The following NOL4 variants were observed in gnomAD, a reference collection of about 807,000 sequenced individuals.
NOL4 encodes cancer/testis antigen 125.
NOL4 carries 17 observed loss-of-function variants against 75.9 expected under a neutral mutation model. The ratio of observed to expected loss-of-function variants is 0.22; its 90% confidence interval spans 0.15 to 0.34. The LOEUF (loss-of-function observed/expected upper bound fraction) is 0.34. Among genes scored for constraint, NOL4 ranks in the 10% least tolerant of loss-of-function variants. The pLI is 1.00. For missense variants in NOL4, 614 were observed against 793.5 expected (o/e 0.77, Z 2.72); for synonymous variants, 292 against 289.9 (o/e 1.01, Z -0.07).
chr18:34,124,348 T>C (rs1283886038), intron 2 of NOL4, among the ~76,000 whole-genome samples: 3 of 152,218 alleles, frequency 2.0e-5, no homozygotes, highest in Non-Finnish European at 4.4e-5. Flanking sequence ...TTATATTCTA[T>C]GAGTGAATTG....
intron 5 of NOL4, among the ~76,000 whole-genome samples, chr18:34,079,849 G>T (rs1462721299): frequency 6.6e-6 from 1 of 152,058 alleles, no homozygotes. Context: ...TCAAAGTCAT[G>T]GTTTTAAAGA....
Position 33,878,207 on chromosome 18 carries a change from T to C in NOL4, c.1723+5037A>G, listed in dbSNP as rs549956916. On this transcript the variant is annotated intron_variant, in intron 10 of 10. Coordinates refer to ENST00000261592, the MANE Select transcript of NOL4 (RefSeq NM_003787.5). ...TAACAATGCATAACAAAACTTTCTT[T>C]TGGATTTGTTATCAATTTTTACCCA... 2.6e-5 allele frequency among the ~76,000 whole-genome samples: 4 copies of C among 152,256 alleles called. No homozygotes were observed. The East Asian group carries it at 7.7e-4, about 29-fold the overall frequency.
chr18:34,090,677 G>GTCCTTAAACATTA (rs1328069254), intron 5 of NOL4, among the ~76,000 whole-genome samples: 2 of 152,160 alleles, frequency 1.3e-5, no homozygotes, highest in South Asian at 2.1e-4. Flanking sequence ...GGGAGGCATT[G>GTCCTTAAACATTA]TCCTTAAACA....
At chr18:33,894,435 T>G (rs1486451312) in intron 9 of NOL4, among the ~76,000 whole-genome samples, 2 of 152,126 alleles carry the variant, frequency 1.3e-5, no homozygotes, top group African/African-American at 4.8e-5. Flanking sequence ...TTGCTGGCCA[T>G]ACAAATGATT....
At chr18:33,953,931 A>G (rs953550832) in intron 8 of NOL4, among the ~76,000 whole-genome samples, 2 of 152,154 alleles carry the variant, frequency 1.3e-5, no homozygotes, top group Non-Finnish European at 2.9e-5. Flanking sequence ...GAGGAACAGA[A>G]ACAACAAGTT....
chr18:34,179,596 A>G (rs1555750021), intron 1 of NOL4, among the ~76,000 whole-genome samples: 2 of 151,724 alleles, frequency 1.3e-5, no homozygotes, highest in Non-Finnish European at 3.0e-5. Context: ...TACCAAAAAA[A>G]TAGATTAATA....
At chr18:34,138,517 A>G (rs1054698322) in intron 1 of NOL4, among the ~76,000 whole-genome samples, 2 of 152,210 alleles carry the variant, frequency 1.3e-5, no homozygotes, top group Non-Finnish European at 2.9e-5. Context: ...GAGGGACAAA[A>G]TGTTCCAAAA....
At chr18:33,896,039 A>G (rs542146268) in intron 9 of NOL4, among the ~76,000 whole-genome samples, 60 of 152,184 alleles carry the variant, frequency 3.9e-4, no homozygotes, top group Non-Finnish European at 6.9e-4. Context: ...CAGAAAGGCA[A>G]TTCCATTTAC....
At chr18:33,986,787 A>C (rs2072495078) in intron 6 of NOL4, among the ~76,000 whole-genome samples, 2 of 152,164 alleles carry the variant, frequency 1.3e-5, no homozygotes, top group African/African-American at 4.8e-5. Flanking sequence ...ATAAATGAAA[A>C]CATAAGTTCA....
intron 10 of NOL4, among the ~76,000 whole-genome samples, chr18:33,877,126 T>C (rs1374835183): frequency 3.9e-5 from 6 of 152,098 alleles, no homozygotes; most frequent in Admixed American, 1.3e-4. Flanking sequence ...CCATACTGAT[T>C]AATCTGTTAC....
intron 1 of NOL4, among the ~76,000 whole-genome samples, chr18:34,152,012 T>A (rs1217987237): frequency 1.3e-5 from 2 of 151,880 alleles, no homozygotes; most frequent in Admixed American, 1.3e-4. Flanking sequence ...AATGAAAAAT[T>A]CACATTAAAT....
At chr18:33,980,081 A>T (rs552795170) in intron 6 of NOL4, among the ~76,000 whole-genome samples, 1 of 152,180 alleles carries the variant, frequency 6.6e-6, no homozygotes, top group East Asian at 1.9e-4. Flanking sequence ...ACAGTTGAAA[A>T]ATAAACAATT....
chr18:34,182,940 A>G (rs181135895), intron 1 of NOL4, among the ~76,000 whole-genome samples: 82 of 151,902 alleles, frequency 5.4e-4, no homozygotes, highest in African/African-American at 1.8e-3. Context: ...AAAACATAAA[A>G]CTACAGAATA....
At chr18:34,188,944 A>T (rs2146386724) in intron 1 of NOL4, among the ~76,000 whole-genome samples, 1 of 152,308 alleles carries the variant, frequency 6.6e-6, no homozygotes, top group East Asian at 1.9e-4. Flanking sequence ...ACTCAGGAAG[A>T]TTAAAGGTAA....
intron 1 of NOL4, among the ~76,000 whole-genome samples, chr18:34,166,450 T>C (rs1160046740): frequency 1.3e-5 from 2 of 152,134 alleles, no homozygotes; most frequent in Admixed American, 1.3e-4. Flanking sequence ...AGGTATTTGT[T>C]TTTTACAGAA....
intron 1 of NOL4, among the ~76,000 whole-genome samples, chr18:34,136,881 C>T (rs547708069): frequency 7.5e-4 from 114 of 151,996 alleles, no homozygotes; most frequent in Non-Finnish European, 1.5e-3. Flanking sequence ...AAAAGAAATT[C>T]GGAGTTCATA....
intron 8 of NOL4, among the ~76,000 whole-genome samples, chr18:33,952,325 T>A (rs1337563254): frequency 1.3e-5 from 2 of 152,292 alleles, no homozygotes; most frequent in East Asian, 1.9e-4. Flanking sequence ...AAGGTACCCA[T>A]AATTCCTGTG....
chr18:34,055,020 AACT>A (rs1380617519), intron 5 of NOL4, among the ~76,000 whole-genome samples: 1 of 150,246 alleles, frequency 6.7e-6, no homozygotes, highest in Non-Finnish European at 1.5e-5. Flanking sequence ...TTTTATTTTA[AACT>A]ACTAACAACT....
At chr18:34,015,612 G>A (rs116353818) in intron 6 of NOL4, among the ~76,000 whole-genome samples, 3,023 of 151,914 alleles carry the variant, frequency 0.02, 98 homozygotes, top group African/African-American at 0.07. Flanking sequence ...CTCATTCTAT[G>A]CTCTCCCAAG....
Sources: allele counts gnomAD v4.1 joint callset (sites outside exome capture counted in the v4.1 genomes callset), GRCh38; gene constraint gnomAD v4.1.1; transcripts MANE v1.5; gene names NCBI Gene and HGNC (gene_info 2026-07-23, HGNC 2026-07-21).